RASAL2: variants seen among roughly 807,000 people sequenced by gnomAD.
The protein encoded by RASAL2 is RAS protein activator like 2, also known as ras GTPase-activating protein nGAP.
Under a neutral mutation model 128.9 loss-of-function variants are expected in RASAL2, and 58 were observed. The ratio of observed to expected loss-of-function variants is 0.45; its 90% CI spans 0.36 to 0.56. RASAL2 has a LOEUF of 0.56. Ranked by LOEUF, RASAL2 falls within the 20% of genes least tolerant of loss-of-function variation. RASAL2 has a pLI of 0.00. For missense variants in RASAL2, 1,360 were observed against 1,601.6 expected (o/e 0.85, Z 2.57); for synonymous variants, 561 against 580.8 (o/e 0.97, Z 0.49).
chr1:178,202,854 T>G (rs915886262), intron 1 of RASAL2, among the ~76,000 whole-genome samples: 1 of 152,224 alleles, frequency 6.6e-6, no homozygotes, highest in African/African-American at 2.4e-5. Context: ...CATTGCCCAA[T>G]GGGCCCATGA....
intron 11 of RASAL2, 74 bp from the exon 12 acceptor site, chr1:178,454,373 T>C: frequency 1.6e-6 from 2 of 1,248,734 alleles, no homozygotes. Flanking sequence ...GTAATAGTTC[T>C]GTGTAATGTC....
At chr1:178,421,755 T>C (rs1675156252) in intron 5 of RASAL2, among the ~76,000 whole-genome samples, 1 of 152,082 alleles carries the variant, frequency 6.6e-6, no homozygotes, top group Non-Finnish European at 1.5e-5. Flanking sequence ...ATTTTGTAAA[T>C]GAAGGGACTT....
chr1:178,375,722 G>A (rs1204735231), intron 3 of RASAL2, among the ~76,000 whole-genome samples: 1 of 152,102 alleles, frequency 6.6e-6, no homozygotes, highest in Non-Finnish European at 1.5e-5. Flanking sequence ...ACATATTAGA[G>A]GAATGGGGAA....
At chr1:178,297,248 A>T (rs1667557228) in intron 2 of RASAL2, among the ~76,000 whole-genome samples, 1 of 152,064 alleles carries the variant, frequency 6.6e-6, no homozygotes, top group African/African-American at 2.4e-5. Context: ...ATTTGAAATT[A>T]CTTGAAATAG....
chr1:178,208,711 G>A (rs1043750212), intron 1 of RASAL2, among the ~76,000 whole-genome samples: 4 of 152,052 alleles, frequency 2.6e-5, no homozygotes, highest in Admixed American at 6.6e-5. Flanking sequence ...TGCTTTTTGC[G>A]CTTTGAAGTA....
At chr1:178,098,900 T>G (rs1021766589) in intron 1 of RASAL2, among the ~76,000 whole-genome samples, 12 of 152,302 alleles carry the variant, frequency 7.9e-5, no homozygotes, top group African/African-American at 2.9e-4. Flanking sequence ...TCATACTTCA[T>G]TAAGTACCTT....
chr1:178,276,885 A>C (rs1361767365), intron 1 of RASAL2, among the ~76,000 whole-genome samples: 1 of 152,040 alleles, frequency 6.6e-6, no homozygotes, highest in Non-Finnish European at 1.5e-5. Flanking sequence ...ACAGTGGCTC[A>C]TGCCTGTAAT....
chr1:178,176,611 T>A (rs1661901114), intron 1 of RASAL2, among the ~76,000 whole-genome samples: 1 of 66,060 alleles, frequency 1.5e-5, no homozygotes, highest in Non-Finnish European at 2.9e-5. Context: ...CCATATTTGT[T>A]GCATTTTTTT....
At chr1:178,276,836 T>G (rs1666538539) in intron 1 of RASAL2, among the ~76,000 whole-genome samples, 1 of 151,990 alleles carries the variant, frequency 6.6e-6, no homozygotes, top group Admixed American at 6.6e-5. Context: ...ATTAAAAAAA[T>G]AAAGAACTGC....
At chr1:178,206,972 C>T (rs561045889) in intron 1 of RASAL2, among the ~76,000 whole-genome samples, 39 of 151,794 alleles carry the variant, frequency 2.6e-4, no homozygotes, top group Non-Finnish European at 3.7e-4. Context: ...CTTAGGAGTT[C>T]GAGACCAGCC....
intron 1 of RASAL2, among the ~76,000 whole-genome samples, chr1:178,186,141 A>G (rs1662284478): frequency 6.6e-6 from 1 of 151,426 alleles, no homozygotes; most frequent in Non-Finnish European, 1.5e-5. Context: ...TTTTCATTTA[A>G]GTTATCATAT....
chr1:178,269,131 C>T (rs1470906698), intron 1 of RASAL2, among the ~76,000 whole-genome samples: 1 of 152,094 alleles, frequency 6.6e-6, no homozygotes, highest in African/African-American at 2.4e-5. Flanking sequence ...AGGGCCGTTG[C>T]CCTTATAAAG....
chr1:178,243,602 C>CAAAA lies in RASAL2; in HGVS notation c.203-39948_203-39945dup, dbSNP rs3041601. ...TGATGCTAGGCTTGCTTGTTGTTAT[C>CAAAA]AAAAAAAAAAAAAAAAATGACAACA... On this transcript the variant is annotated intron_variant, in intron 1 of 17. Coordinates refer to ENST00000367649, the MANE Select transcript of RASAL2 (RefSeq NM_170692.4). Among the ~76,000 whole-genome samples, 96 of 121,884 alleles carry CAAAA rather than the reference C, an allele frequency of 7.9e-4. 1 individual carries two copies. Among genetic ancestry groups the CAAAA allele is most frequent in the South Asian group, 3.3e-3 (12 of 3,636 alleles). The allele number at this position is 121,884 out of a possible 152,430, so 80.0% of individuals were successfully genotyped here. A position where few individuals can be genotyped will look rare whatever the true frequency, so the allele number is the denominator to read the frequency against.
intron 1 of RASAL2, among the ~76,000 whole-genome samples, chr1:178,192,094 G>C (rs1164940138): frequency 6.6e-6 from 1 of 152,134 alleles, no homozygotes; most frequent in Non-Finnish European, 1.5e-5. Flanking sequence ...AAGAGAACTT[G>C]CTAGCAATGC....
At chr1:178,371,322 CCACACACACACACA>C (rs370972772) in intron 3 of RASAL2, among the ~76,000 whole-genome samples, 5 of 124,370 alleles carry the variant, frequency 4.0e-5, no homozygotes, top group South Asian at 5.1e-4. Flanking sequence ...GCCTTCTTTC[CCACACACACACACA>C]CACACACACA....
At chr1:178,340,509 G>C (rs545334405) in intron 3 of RASAL2, among the ~76,000 whole-genome samples, 1 of 152,118 alleles carries the variant, frequency 6.6e-6, no homozygotes, top group South Asian at 2.1e-4. Flanking sequence ...TGATGATTGA[G>C]AACAGTAATA....
rs1407327991 is a variant in RASAL2 at position 178,473,091 on chromosome 1, C to G, written c.3695C>G (p.Ser1232Cys). Residue 1232 changes from serine (S) to cysteine (C), a missense_variant, in exon 18 of 18, where the codon TCC becomes TGC. Ser to Cys is a moderately radical substitution (Grantham distance 112). Transcript: ENST00000367649. ...GTGTTGTAGGAAAAACGGATCGTGTCCCTGGATTCAGCCAACACCAGACTG... is the reference window on the plus strand; with the variant it reads ...GTGTTGTAGGAAAAACGGATCGTGTGCCTGGATTCAGCCAACACCAGACTG... Reference protein sequence around the residue: ...IIDAQEKRIVSLDSANTRLMS... With the variant: ...IIDAQEKRIVCLDSANTRLMS... 1 of 1,614,116 alleles carries G rather than the reference C, an allele frequency of 6.2e-7. No homozygotes were observed. Among genetic ancestry groups the G allele is most frequent in the East Asian group, 2.2e-5 (1 of 44,882 alleles).
intron 1 of RASAL2, among the ~76,000 whole-genome samples, chr1:178,215,647 C>A (rs12410235): frequency 0.26 from 39,676 of 152,032 alleles, 5,854 homozygotes; most frequent in African/African-American, 0.41. Context: ...TTAATAGGTC[C>A]TAAAGATAGT....
chr1:178,368,648 T>C (rs1048780165), intron 3 of RASAL2, among the ~76,000 whole-genome samples: 28 of 150,480 alleles, frequency 1.9e-4, no homozygotes, highest in African/African-American at 6.4e-4. Context: ...TTTTTTTTTT[T>C]CTCCTTAGAA....
Sources: allele counts gnomAD v4.1 joint callset (sites outside exome capture counted in the v4.1 genomes callset), GRCh38; gene constraint gnomAD v4.1.1; transcripts MANE v1.5; gene names NCBI Gene and HGNC (gene_info 2026-07-23, HGNC 2026-07-21).